ENTPD6: variants seen among roughly 807,000 people sequenced by gnomAD.
ENTPD6 encodes the protein ectonucleoside triphosphate diphosphohydrolase 6.
Under a neutral mutation model 61.5 loss-of-function variants are expected in ENTPD6, and 46 were observed. The ratio of observed to expected loss-of-function variants is 0.75; its 90% confidence interval spans 0.59 to 0.96. ENTPD6 has a LOEUF of 0.96. Ranked by LOEUF, ENTPD6 falls within the 40% of genes least tolerant of loss-of-function variation. The pLI, the probability that ENTPD6 is intolerant of heterozygous loss-of-function variation, is 0.00. For synonymous variants in ENTPD6, 252 were observed against 255.5 expected (o/e 0.99, Z 0.13); for missense variants, 612 against 629.0 (o/e 0.97, Z 0.29).
chr20:25,221,730 G>T (rs1468676010), intron 11 of ENTPD6: 1 of 331,748 alleles, frequency 3.0e-6, no homozygotes, highest in Non-Finnish European at 5.9e-6. Flanking sequence ...CGAGGCTATG[G>T]AGCCCGCTGG....
At chr20:25,208,965 G>A (rs868556742) in intron 3 of ENTPD6, among the ~76,000 whole-genome samples, 35 of 152,054 alleles carry the variant, frequency 2.3e-4, no homozygotes, top group Middle Eastern at 3.4e-3. Flanking sequence ...TGCCCAGGCT[G>A]GAGTACAGTG....
At chr20:25,224,977 C>A (rs2092754117) in intron 13 of ENTPD6, 1 of 604,040 alleles carries the variant, frequency 1.7e-6, no homozygotes, top group African/African-American at 1.9e-5. Flanking sequence ...GACCCTAACA[C>A]CAGGCGTGCA....
rs186054790 is a variant in ENTPD6 at position 25,220,638 on chromosome 20, G to A, written c.944-594G>A. On this transcript the variant is annotated intron_variant, in intron 10 of 14. Coordinates refer to ENST00000376652, the MANE Select transcript of ENTPD6 (RefSeq NM_001247.5). ...TTTGTGGTGGCTTCAAAAAAGGAAG[G>A]CTACCCTGATGCCACCATTTCCTGC... Among the ~76,000 whole-genome samples the A allele has an allele frequency of 4.7e-3, 718 of 152,356 alleles. 3 individuals carry two copies. The highest frequency in any genetic ancestry group is 0.016 in the African/African-American group (685 of 41,580).
intron 1 of ENTPD6, 59 bp from the exon 2 acceptor site, chr20:25,206,463 A>T: frequency 7.7e-7 from 1 of 1,299,138 alleles, no homozygotes; most frequent in Non-Finnish European, 1.1e-6. Flanking sequence ...TTATTTTGCT[A>T]CTCTAGTAGA....
chr20:25,196,054 C>A (rs762038934), intron 1 of ENTPD6, 187 bp downstream of exon 1: 8 of 888,576 alleles, frequency 9.0e-6, no homozygotes, highest in Non-Finnish European at 1.2e-5. Flanking sequence ...CTCCGCTGAC[C>A]GGTGGGGGGC....
rs146711180 is a variant in ENTPD6, at chr20:25,207,257, C to T, written c.236C>T (p.Pro79Leu). The change falls in exon 3 of 15, where the codon CCG becomes CTG. Residue 79 changes from proline to leucine, a missense_variant. Pro to Leu is a moderately conservative substitution (Grantham distance 98). Coordinates refer to ENST00000376652, the MANE Select transcript of ENTPD6 (RefSeq NM_001247.5). The stretch of plus-strand genomic sequence containing the variant: ...TTCTTCAGCATCACCAGGGCAGCCC[C>T]GGGGGCCCGGTGGGGTCAGCAGGCC... ...QAFFSITRAA[P>L]GARWGQQAHS... The T allele has an allele frequency of 1.9e-6, 3 of 1,613,874 alleles. No individual in the cohort carries two copies. The highest frequency in any genetic ancestry group is 2.2e-5 in the East Asian group (1 of 44,884).
chr20:25,206,973 A>G (rs2091550657), intron 2 of ENTPD6, 103 bp from the exon 3 acceptor site: 2 of 996,874 alleles, frequency 2.0e-6, no homozygotes, highest in Non-Finnish European at 3.0e-6. Context: ...AACACGGAGC[A>G]GTTTCAGGTT....
chr20:25,222,894 G>C lies in ENTPD6; in HGVS notation c.1102G>C (p.Val368Leu). 6.2e-7 allele frequency: 1 copy of C among 1,614,172 alleles called. No homozygotes were observed. The highest frequency in any genetic ancestry group is 8.5e-7 in the Non-Finnish European group (1 of 1,180,042). The change falls in exon 12 of 15, where the codon GTG becomes CTG. Residue 368 changes from valine to leucine, a missense_variant. Val to Leu is a conservative substitution (Grantham distance 32, BLOSUM62 1). Coordinates refer to ENST00000376652, the MANE Select transcript of ENTPD6 (RefSeq NM_001247.5). Reference protein sequence around the residue: ...ARVSEVLQNRVHRTEEVKHVD... With the variant: ...ARVSEVLQNRLHRTEEVKHVD... ...AGTGTCAGAGGTCCTTCAAAACAGA[G>C]TGCACAGGACGGAGGAAGTGAAGCA... is the stretch of plus-strand genomic sequence containing the variant.
chr20:25,201,420 G>A (rs1345736169), intron 1 of ENTPD6, among the ~76,000 whole-genome samples: 1 of 152,018 alleles, frequency 6.6e-6, no homozygotes, highest in African/African-American at 2.4e-5. Flanking sequence ...ATCAGTGTCT[G>A]GTTCATATAT....
chr20:25,219,435 T>C (rs984226578), intron 10 of ENTPD6, among the ~76,000 whole-genome samples: 1 of 152,214 alleles, frequency 6.6e-6, no homozygotes, highest in Non-Finnish European at 1.5e-5. Flanking sequence ...CGAAGGGTCA[T>C]GAAATGTGGG....
chr20:25,224,191 G>A (rs370844747), intron 13 of ENTPD6, 34 bp downstream of exon 13: 24 of 1,598,298 alleles, frequency 1.5e-5, no homozygotes, highest in African/African-American at 1.3e-4. Context: ...CTCAGCAGGG[G>A]CAGGCGCCCC....
chr20:25,205,389 G>A (rs1037058698), intron 1 of ENTPD6, among the ~76,000 whole-genome samples: 1 of 152,148 alleles, frequency 6.6e-6, no homozygotes. Context: ...CTGGGAATGC[G>A]TATCAGTCTG....
intron 4 of ENTPD6, among the ~76,000 whole-genome samples, chr20:25,212,557 T>A (rs959610720): frequency 2.0e-5 from 3 of 152,038 alleles, no homozygotes; most frequent in South Asian, 4.1e-4. Flanking sequence ...AGAAAAAAAA[T>A]ATTTATAGAA....
chr20:25,224,199 C>T, intron 13 of ENTPD6, 42 bp downstream of exon 13: 1 of 1,582,846 alleles, frequency 6.3e-7, no homozygotes, highest in Non-Finnish European at 8.6e-7. Context: ...GGGCAGGCGC[C>T]CCGTGATGCT....
At chr20:25,214,271 G>A (rs759175494) in intron 5 of ENTPD6, among the ~76,000 whole-genome samples, 15 of 152,240 alleles carry the variant, frequency 9.9e-5, no homozygotes, top group Non-Finnish European at 1.9e-4. Context: ...GGGTTGGATT[G>A]TGCACGCGTG....
At chr20:25,209,616 A>T (rs201819635) in intron 3 of ENTPD6, among the ~76,000 whole-genome samples, 208 of 147,900 alleles carry the variant, frequency 1.4e-3, no homozygotes, top group Non-Finnish European at 2.1e-3. Flanking sequence ...TAATAATTTT[A>T]AAAAAATAAT....
At chr20:25,207,461 C>A in intron 3 of ENTPD6, 64 bp downstream of exon 3, 1 of 1,411,558 alleles carries the variant, frequency 7.1e-7, no homozygotes, top group Non-Finnish European at 9.4e-7. Flanking sequence ...TTGGCCGGGT[C>A]CCCTGCCACA....
intron 1 of ENTPD6, among the ~76,000 whole-genome samples, chr20:25,198,090 A>G (rs2090662381): frequency 6.6e-6 from 1 of 152,238 alleles, no homozygotes; most frequent in Admixed American, 6.5e-5. Context: ...GTAGACAGTA[A>G]ATAAGGAGCA....
chr20:25,196,116 C>A, intron 1 of ENTPD6: 2 of 1,187,756 alleles, frequency 1.7e-6, no homozygotes, highest in South Asian at 4.4e-5. Flanking sequence ...GGCCTGTAGC[C>A]CCAGGGGGCC....
Sources: allele counts gnomAD v4.1 joint callset (sites outside exome capture counted in the v4.1 genomes callset), GRCh38; gene constraint gnomAD v4.1.1; transcripts MANE v1.5; gene names NCBI Gene and HGNC (gene_info 2026-07-23, HGNC 2026-07-21).